MINPP1: variants seen among roughly 807,000 people sequenced by gnomAD.
The protein encoded by MINPP1 is multiple inositol-polyphosphate phosphatase 1, also known as multiple inositol polyphosphate phosphatase 1.
Under a neutral mutation model 46.1 loss-of-function variants are expected in MINPP1, and 28 were observed. That is an observed-to-expected ratio of 0.61 (90% confidence interval 0.45 to 0.83). MINPP1 has a LOEUF of 0.83. Among genes scored for constraint, MINPP1 ranks in the 40% least tolerant of loss-of-function variants. The probability of loss-of-function intolerance (pLI) is 0.00; values close to 1 mark genes in which losing one functional copy is unlikely to be tolerated. For missense variants in MINPP1, 603 were observed against 610.0 expected (o/e 0.99, Z 0.12); for synonymous variants, 268 against 249.1 (o/e 1.08, Z -0.72).
chr10:87,516,535 T>C lies in MINPP1; in HGVS notation c.933+3314T>C, dbSNP rs1158675270. Among the ~76,000 whole-genome samples the C allele has an allele frequency of 4.8e-5, 5 of 104,814 alleles. 1 individual carries two copies. Among genetic ancestry groups the C allele is most frequent in the African/African-American group, 1.4e-4 (5 of 34,934 alleles). 68.8% of individuals were successfully genotyped at this position (104,814 alleles called of 152,430 possible). A position where few individuals can be genotyped will look rare whatever the true frequency, so the allele number is the denominator to read the frequency against. On this transcript the variant is annotated intron_variant, in intron 3 of 4. Coordinates refer to ENST00000371996, the MANE Select transcript of MINPP1 (RefSeq NM_004897.5). ...TGAAAGTGTATTGCTTTTGAACCAT[T>C]GTAAAGTTGAAAAATTTTAAGTCAA...
Position 87,504,986 on chromosome 10 carries a change from T to A in MINPP1, c.71T>A (p.Leu24His). ...APAAALAAAL[L>H]SSLARCSLLE... Reference sequence around the variant, plus strand: ...GCCGCGGCCCTGGCTGCGGCGCTGCTCTCGTCGCTTGCGCGCTGCTCTCTT... The same window carrying A: ...GCCGCGGCCCTGGCTGCGGCGCTGCACTCGTCGCTTGCGCGCTGCTCTCTT... Residue 24 changes from leucine to histidine, a missense_variant, in exon 1 of 5, where the codon CTC becomes CAC. Leu to His is a moderately conservative substitution (Grantham distance 99). Around this residue, in one of 3 missense-constraint regions of MINPP1, gnomAD observed 239 missense variants for 189.4 expected, o/e 1.26. Transcript: ENST00000371996. 1 of 1,612,410 alleles carries A rather than the reference T, an allele frequency of 6.2e-7. No homozygotes were observed. Among genetic ancestry groups the A allele is most frequent in the Non-Finnish European group, 8.5e-7 (1 of 1,179,710 alleles).
intron 4 of MINPP1, among the ~76,000 whole-genome samples, chr10:87,530,374 T>C (rs1851640252): frequency 6.6e-6 from 1 of 152,198 alleles, no homozygotes; most frequent in African/African-American, 2.4e-5. Flanking sequence ...ATGATGGTGA[T>C]GTACAGATGG....
At chr10:87,535,462 G>A (rs1387159584) in intron 4 of MINPP1, among the ~76,000 whole-genome samples, 1 of 152,204 alleles carries the variant, frequency 6.6e-6, no homozygotes, top group Non-Finnish European at 1.5e-5. Flanking sequence ...GAAGAATAAG[G>A]AAGACATCAA....
chr10:87,537,375 G>A (rs1318908892), intron 4 of MINPP1, among the ~76,000 whole-genome samples: 2 of 152,066 alleles, frequency 1.3e-5, no homozygotes, highest in East Asian at 3.8e-4. Flanking sequence ...GTAGTACTTT[G>A]TTGTGGTTTT....
At chr10:87,526,680 T>A (rs1179421673) in intron 4 of MINPP1, among the ~76,000 whole-genome samples, 1 of 152,238 alleles carries the variant, frequency 6.6e-6, no homozygotes, top group African/African-American at 2.4e-5. Flanking sequence ...TGGTTTTAAG[T>A]CTAACTTTTA....
chr10:87,527,907 G>C (rs922149643), intron 4 of MINPP1, among the ~76,000 whole-genome samples: 1 of 152,108 alleles, frequency 6.6e-6, no homozygotes, highest in Non-Finnish European at 1.5e-5. Context: ...TCTATTCAGG[G>C]ATTCACCTTC....
chr10:87,550,321 A>G (rs1007773544), intron 4 of MINPP1, among the ~76,000 whole-genome samples: 4 of 152,220 alleles, frequency 2.6e-5, no homozygotes, highest in African/African-American at 9.6e-5. Flanking sequence ...TTGGAAATAA[A>G]TACAGGTTTT....
intron 4 of MINPP1, among the ~76,000 whole-genome samples, chr10:87,539,488 T>G (rs1851782940): frequency 6.6e-6 from 1 of 152,230 alleles, no homozygotes; most frequent in Admixed American, 6.5e-5. Flanking sequence ...AGCATCTGAA[T>G]TTTTCTTAAT....
chr10:87,549,614 A>G (rs780269488), intron 4 of MINPP1, among the ~76,000 whole-genome samples: 28 of 152,224 alleles, frequency 1.8e-4, no homozygotes, highest in East Asian at 3.8e-4. Flanking sequence ...TGAAATGACA[A>G]TAGTTTGGAT....
intron 2 of MINPP1, among the ~76,000 whole-genome samples, chr10:87,509,390 A>G (rs1200021861): frequency 6.6e-6 from 1 of 152,210 alleles, no homozygotes; most frequent in African/African-American, 2.4e-5. Context: ...TAGCATTTGA[A>G]ATTGAATTTT....
At chr10:87,524,959 GTGATACATTACTA>G (rs1851554526) in intron 4 of MINPP1, among the ~76,000 whole-genome samples, 1 of 59,462 alleles carries the variant, frequency 1.7e-5, no homozygotes, top group Admixed American at 1.5e-4. Context: ...TTACTAAAAT[GTGATACATTACTA>G]AAATGTGATA....
At chr10:87,506,690 A>G (rs1410858103) in intron 1 of MINPP1, among the ~76,000 whole-genome samples, 1 of 152,222 alleles carries the variant, frequency 6.6e-6, no homozygotes, top group Non-Finnish European at 1.5e-5. Flanking sequence ...GAGATGAGCA[A>G]GCATTAATAG....
intron 2 of MINPP1, among the ~76,000 whole-genome samples, chr10:87,510,046 A>T (rs1851313154): frequency 6.6e-6 from 1 of 152,196 alleles, no homozygotes; most frequent in Non-Finnish European, 1.5e-5. Flanking sequence ...TTTGCATTTG[A>T]ATCTTGACTC....
chr10:87,535,877 C>G (rs144444158), intron 4 of MINPP1, among the ~76,000 whole-genome samples: 1 of 151,998 alleles, frequency 6.6e-6, no homozygotes, highest in Non-Finnish European at 1.5e-5. Flanking sequence ...TAGGGTGAGC[C>G]GTGATCATGC....
At chr10:87,521,225 A>G (rs1404470995) in intron 4 of MINPP1, 56 bp downstream of exon 4, 2 of 1,437,340 alleles carry the variant, frequency 1.4e-6, no homozygotes, top group Admixed American at 1.8e-5. Flanking sequence ...AAACTTCTGG[A>G]AATTTTTTTA....
chr10:87,508,044 A>G (rs1851278587), intron 1 of MINPP1: 2 of 1,414,600 alleles, frequency 1.4e-6, no homozygotes, highest in Non-Finnish European at 1.8e-6. Flanking sequence ...CGTGCCTGAC[A>G]GAAACAGTAC....
rs1851239401 is a variant in MINPP1, at chr10:87,505,805, T to A, written c.637+253T>A. On this transcript the variant is annotated intron_variant, in intron 1 of 4. Transcript: ENST00000371996. The surrounding 1 kb of genome is among the most constrained non-coding windows in gnomAD (Gnocchi z 4.4). ...TCAGCACCTTGTACTCGCTGCCTGC[T>A]TTAGTAGAGTTGGGGATCCAACAGG... Among the ~76,000 whole-genome samples the A allele has an allele frequency of 6.6e-6, 1 of 152,182 alleles. No individual in the cohort carries two copies. The highest frequency in any genetic ancestry group is 1.5e-5 in the Non-Finnish European group (1 of 68,028).
intron 4 of MINPP1, among the ~76,000 whole-genome samples, chr10:87,534,199 C>A (rs1851701794): frequency 6.6e-6 from 1 of 151,868 alleles, no homozygotes; most frequent in South Asian, 2.1e-4. Context: ...ATTACAGGCA[C>A]CTGCCACCAT....
chr10:87,504,921 A>G lies in MINPP1; in HGVS notation c.6A>G (p.Leu2=), dbSNP rs1026491690. Residue 2 remains leucine (L), a synonymous_variant, in exon 1 of 5, where the codon CTA becomes CTG. Coordinates refer to ENST00000371996, the MANE Select transcript of MINPP1 (RefSeq NM_004897.5). ...CTCCACTGACCGTCCCGACGATGCT[A>G]CGCGCGCCCGGCTGCCTCCTCCGGA... M[L]RAPGCLLRTS... The G allele has an allele frequency of 2.5e-6, 4 of 1,610,468 alleles. No homozygotes were observed. Among genetic ancestry groups the G allele is most frequent in the Non-Finnish European group, 3.4e-6 (4 of 1,179,124 alleles).
Sources: gnomAD v4.1 joint callset for allele counts (sites outside exome capture counted in the v4.1 genomes callset) on GRCh38, gnomAD v4.1.1 for gene constraint, gnomAD v4.1.1 regional missense constraint, Gnocchi (gnomAD v3.1) non-coding constraint, MANE v1.5 for transcripts, NCBI Gene and HGNC (gene_info 2026-07-23, HGNC 2026-07-21) for gene names.